Variants in ARHGAP29 observed in about 807,000 individuals in gnomAD.
The protein encoded by ARHGAP29 is rho GTPase-activating protein 29.
Under a neutral mutation model 122.6 loss-of-function variants are expected in ARHGAP29, and 43 were observed. The observed-to-expected ratio is 0.35, with a 90% CI of 0.27 to 0.45. The LOEUF is 0.45. ARHGAP29 is among the 20% of genes least tolerant of loss of function. The pLI is 1.00. For synonymous variants in ARHGAP29, 506 were observed against 497.1 expected (o/e 1.02, Z -0.24); for missense variants, 1,303 against 1,477.2 (o/e 0.88, Z 1.93).
intron 3 of ARHGAP29, among the ~76,000 whole-genome samples, chr1:94,214,679 C>A (rs143703084): frequency 1.3e-5 from 2 of 152,252 alleles, no homozygotes; most frequent in Non-Finnish European, 2.9e-5. Flanking sequence ...AATAGTCCTT[C>A]AAAAGCTCAT....
chr1:94,201,877 A>AG lies in ARHGAP29; in HGVS notation c.1144-21_1144-20insC. 1 of 1,551,894 alleles carries AG rather than the reference A, an allele frequency of 6.4e-7. No homozygotes were observed. The highest frequency in any genetic ancestry group is 2.3e-5 in the East Asian group (1 of 43,378). On this transcript the variant is annotated intron_variant, in intron 11 of 22. Transcript: ENST00000260526. ...TTCTACCTTCACAAATATCACAGAA[A>AG]AAAAAATAACACTAGAATTTATATT...
At chr1:94,180,611 G>A (rs1430549521) in intron 19 of ARHGAP29, among the ~76,000 whole-genome samples, 2 of 152,120 alleles carry the variant, frequency 1.3e-5, no homozygotes, top group African/African-American at 4.8e-5. Flanking sequence ...CAGAAGGTAG[G>A]TGCCCCTTTC....
intron 1 of ARHGAP29, among the ~76,000 whole-genome samples, chr1:94,271,913 G>A (rs1319038676): frequency 6.6e-6 from 1 of 152,190 alleles, no homozygotes; most frequent in Non-Finnish European, 1.5e-5. Context: ...TTTGTGTCCA[G>A]AGGCAAGTAG....
chr1:94,208,975 G>A, intron 4 of ARHGAP29, 71 bp from the exon 5 acceptor site: 1 of 1,363,140 alleles, frequency 7.3e-7, no homozygotes, highest in Non-Finnish European at 1.0e-6. Context: ...CATTCAACAT[G>A]TTATCTAAAA....
chr1:94,177,074 A>G (rs1254194231), intron 22 of ARHGAP29: 1 of 152,258 alleles, frequency 6.6e-6, no homozygotes, highest in Non-Finnish European at 1.5e-5. Flanking sequence ...AGCAACTAAT[A>G]TTATAAAGAG....
the ARHGAP29 span, among the ~76,000 whole-genome samples, chr1:94,309,099 C>T: frequency 2.6e-5 from 4 of 152,212 alleles, no homozygotes; most frequent in East Asian, 1.9e-4. Context: ...GTTGCGGGGG[C>T]GCCCAGGCAG....
intron 12 of ARHGAP29, among the ~76,000 whole-genome samples, chr1:94,198,582 C>T (rs1021240616): frequency 2.0e-5 from 3 of 152,042 alleles, no homozygotes; most frequent in Non-Finnish European, 2.9e-5. Context: ...TCACAATAGC[C>T]CCCCCAAATA....
At chr1:94,180,910 T>C in intron 19 of ARHGAP29, among the ~76,000 whole-genome samples, 1 of 152,176 alleles carries the variant, frequency 6.6e-6, no homozygotes, top group East Asian at 1.9e-4. Context: ...GATGATTCAT[T>C]ATGAGATTTA....
intron 1 of ARHGAP29, among the ~76,000 whole-genome samples, chr1:94,248,972 C>T (rs1042488899): frequency 6.6e-6 from 1 of 152,196 alleles, no homozygotes; most frequent in Non-Finnish European, 1.5e-5. Flanking sequence ...CCTCATCCTC[C>T]CAAAGTGCTG....
At chr1:94,278,038 G>A (rs1051151809), upstream of ARHGAP29, among the ~76,000 whole-genome samples, 6 of 152,212 alleles carry the variant, frequency 3.9e-5, no homozygotes, top group Admixed American at 6.5e-5. Flanking sequence ...CAAGTAGGCC[G>A]GATGCAGCGG....
intron 1 of ARHGAP29, among the ~76,000 whole-genome samples, chr1:94,269,141 G>A (rs960392426): frequency 6.6e-6 from 1 of 152,022 alleles, no homozygotes; most frequent in Non-Finnish European, 1.5e-5. Context: ...GGATTTCTCT[G>A]CTTTTACCTA....
At chr1:94,189,547 T>C (rs554383452) in intron 13 of ARHGAP29, among the ~76,000 whole-genome samples, 195 bp from the exon 14 acceptor site, 1 of 152,330 alleles carries the variant, frequency 6.6e-6, no homozygotes, top group Non-Finnish European at 1.5e-5. Context: ...TTGTCCTTAT[T>C]ACAGTGAAAA....
the ARHGAP29 span, among the ~76,000 whole-genome samples, chr1:94,313,990 G>A: frequency 1.3e-5 from 2 of 152,176 alleles, no homozygotes; most frequent in African/African-American, 4.8e-5. Context: ...TGGGGAGCTT[G>A]GGGAGGGATA....
rs768060720 is a variant in ARHGAP29, at chr1:94,184,863, A to G, written c.2109+9T>C. On this transcript the variant is annotated intron_variant, in intron 18 of 22. Coordinates refer to ENST00000260526, the MANE Select transcript of ARHGAP29 (RefSeq NM_004815.4). ...TATGCTTTTTAAAATTTTAAGAGTT[A>G]TAATGTACCTGTAGACACAAAGCTC... 1.3e-6 allele frequency: 2 copies of G among 1,559,918 alleles called. No individual in the cohort carries two copies. Among genetic ancestry groups the G allele is most frequent in the South Asian group, 2.4e-5 (2 of 82,986 alleles).
chr1:94,225,175 A>T lies in ARHGAP29; in HGVS notation c.206-4783T>A, dbSNP rs76783111. Among the ~76,000 whole-genome samples the T allele has an allele frequency of 2.6e-3, 392 of 152,270 alleles. 13 individuals are homozygous for T. The East Asian group carries it at 0.065, about 25-fold the overall frequency. ...TCATAAATGGTTTAAAGAAAATTCC[A>T]TTTTTACCAAAACTGAAGAAAGTTA... On this transcript the variant is annotated intron_variant, in intron 2 of 22. Transcript: ENST00000260526.
At chr1:94,264,339 C>T (rs1344453817) in intron 1 of ARHGAP29, among the ~76,000 whole-genome samples, 1 of 152,074 alleles carries the variant, frequency 6.6e-6, no homozygotes, top group Non-Finnish European at 1.5e-5. Context: ...GGTTGGTGCT[C>T]AACCATCCAA....
At chr1:94,300,669 G>A in the ARHGAP29 span, among the ~76,000 whole-genome samples, 1 of 152,044 alleles carries the variant, frequency 6.6e-6, no homozygotes, top group Non-Finnish European at 1.5e-5. Flanking sequence ...TTCTCCACTA[G>A]ATTACAAACT....
intron 20 of ARHGAP29, 59 bp downstream of exon 20, chr1:94,179,666 A>C: frequency 8.5e-7 from 1 of 1,180,428 alleles, no homozygotes; most frequent in Non-Finnish European, 1.2e-6. Flanking sequence ...ACCACAATTA[A>C]AAACAAAAAA....
At chr1:94,308,260 G>T in the ARHGAP29 span, among the ~76,000 whole-genome samples, 1 of 151,924 alleles carries the variant, frequency 6.6e-6, no homozygotes, top group East Asian at 1.9e-4. Context: ...CCACACAAAA[G>T]CCCCCAAAAC....
Sources: gnomAD v4.1 joint callset for allele counts (sites outside exome capture counted in the v4.1 genomes callset) on GRCh38, gnomAD v4.1.1 for gene constraint, MANE v1.5 for transcripts, NCBI Gene and HGNC (gene_info 2026-07-23, HGNC 2026-07-21) for gene names.